ITPR2: variants seen among roughly 807,000 people sequenced by gnomAD.
The protein encoded by ITPR2 is inositol 1,4,5-trisphosphate receptor type 2, also known as inositol 1,4,5-trisphosphate-gated calcium channel ITPR2.
Under a neutral mutation model 317.1 loss-of-function variants are expected in ITPR2, and 207 were observed. That is an observed-to-expected ratio of 0.65 (90% CI 0.58 to 0.73). The LOEUF (loss-of-function observed/expected upper bound fraction) is 0.73, where lower values mean the gene tolerates loss of function less well. Ranked by LOEUF, ITPR2 falls within the 30% of genes least tolerant of loss-of-function variation. The pLI, the probability that ITPR2 is intolerant of heterozygous loss-of-function variation, is 0.00. For missense variants in ITPR2, 2,613 were observed against 3,284.0 expected, an observed-to-expected ratio of 0.80 and a Z score of 4.99; for synonymous variants, 1,156 against 1,149.1, an observed-to-expected ratio of 1.01 and a Z score of -0.12.
chr12:26,807,139 A>C (rs959785087), intron 1 of ITPR2, among the ~76,000 whole-genome samples: 1 of 152,004 alleles, frequency 6.6e-6, no homozygotes, highest in Non-Finnish European at 1.5e-5. Context: ...CAGTGAGCCG[A>C]GATTACACCA....
chr12:26,782,330 C>G (rs1012444910), intron 2 of ITPR2, among the ~76,000 whole-genome samples: 34 of 150,100 alleles, frequency 2.3e-4, no homozygotes, highest in African/African-American at 4.9e-5. Context: ...ATAAAACAAA[C>G]AAAGTAGTAT....
chr12:26,590,702 T>C (rs1215708197), intron 32 of ITPR2, among the ~76,000 whole-genome samples: 2 of 152,170 alleles, frequency 1.3e-5, no homozygotes, highest in African/African-American at 4.8e-5. Context: ...GTCCAGGACA[T>C]TGGTCTGGGC....
rs535025181 is a variant in ITPR2, at chr12:26,501,253, G to A, written c.5074-5993C>T. Among the ~76,000 whole-genome samples the A allele has an allele frequency of 9.3e-4, 141 of 152,274 alleles. 1 individual carries two copies. Among genetic ancestry groups the A allele is most frequent in the Middle Eastern group, 3.4e-3 (1 of 294 alleles). On this transcript the variant is annotated intron_variant, in intron 37 of 56. Coordinates refer to ENST00000381340, the MANE Select transcript of ITPR2 (RefSeq NM_002223.4). ...TGTGTTTCTGTAACCTTTTGGCTTA[G>A]TAACAATACGTCTGATTAGGTATTT... is the stretch of plus-strand genomic sequence containing the variant.
At chr12:26,507,810 A>C (rs1943224656) in intron 37 of ITPR2, among the ~76,000 whole-genome samples, 1 of 151,646 alleles carries the variant, frequency 6.6e-6, no homozygotes, top group Admixed American at 6.6e-5. Context: ...TAATACTCCT[A>C]AGGTGTGGAA....
chr12:26,498,758 G>C (rs1333977765), intron 37 of ITPR2, among the ~76,000 whole-genome samples: 2 of 152,190 alleles, frequency 1.3e-5, no homozygotes, highest in African/African-American at 4.8e-5. Context: ...CTGTCTGAAA[G>C]GGAACCTATT....
At chr12:26,829,925 G>A (rs576888642) in intron 1 of ITPR2, among the ~76,000 whole-genome samples, 1 of 151,976 alleles carries the variant, frequency 6.6e-6, no homozygotes, top group East Asian at 1.9e-4. Flanking sequence ...TTTTTTTGAG[G>A]CAGAGTCTCG....
At chr12:26,497,316 G>C (rs1238991848) in intron 37 of ITPR2, among the ~76,000 whole-genome samples, 1 of 151,828 alleles carries the variant, frequency 6.6e-6, no homozygotes, top group Non-Finnish European at 1.5e-5. Context: ...ACCACACCCA[G>C]CTAATTTTTT....
At position 26,654,142 on chromosome 12, in the gene ITPR2, A is replaced by G. The variant is rs760831337; in HGVS notation, c.2590-16T>C. On this transcript the variant is annotated splice_polypyrimidine_tract_variant and intron_variant, in intron 20 of 56. Coordinates refer to ENST00000381340, the MANE Select transcript of ITPR2 (RefSeq NM_002223.4). Reference sequence around the variant, plus strand: ...AGTGGACCACCTTAATAAAAAAAAAAAAGCGGGGAGGGGGAGGGTGAAAGA... The same window carrying G: ...AGTGGACCACCTTAATAAAAAAAAAGAAGCGGGGAGGGGGAGGGTGAAAGA... 1.3e-6 allele frequency: 2 copies of G among 1,540,720 alleles called. No homozygotes were observed. Among genetic ancestry groups the G allele is most frequent in the East Asian group, 4.8e-5 (2 of 42,004 alleles).
At chr12:26,478,251 T>C (rs978248679) in intron 43 of ITPR2, among the ~76,000 whole-genome samples, 1 of 152,104 alleles carries the variant, frequency 6.6e-6, no homozygotes, top group Non-Finnish European at 1.5e-5. Context: ...CACTGACTCA[T>C]TATGAAAAGA....
chr12:26,650,300 G>T (rs1053383245), intron 21 of ITPR2, among the ~76,000 whole-genome samples: 7 of 152,144 alleles, frequency 4.6e-5, no homozygotes, highest in African/African-American at 1.7e-4. Context: ...TGGGAGAAGG[G>T]TTGAATATGC....
At chr12:26,465,627 C>CTCTT (rs1942153102) in intron 45 of ITPR2, among the ~76,000 whole-genome samples, 2 of 151,960 alleles carry the variant, frequency 1.3e-5, no homozygotes, top group African/African-American at 4.8e-5. Context: ...CTCTCTCTCT[C>CTCTT]TCTTGCTCTG....
At chr12:26,428,712 C>A (rs756253042) in intron 48 of ITPR2, among the ~76,000 whole-genome samples, 1 of 152,122 alleles carries the variant, frequency 6.6e-6, no homozygotes, top group Non-Finnish European at 1.5e-5. Flanking sequence ...TCTTAAAAAA[C>A]GAACTCTGTT....
At chr12:26,486,430 A>AAAAT in intron 40 of ITPR2, 70 bp from the exon 41 acceptor site, 1 of 1,229,050 alleles carries the variant, frequency 8.1e-7, no homozygotes. Context: ...AAAAAAACAA[A>AAAAT]CCAGGTACCC....
At chr12:26,470,320 TA>T (rs143552032) in intron 45 of ITPR2, among the ~76,000 whole-genome samples, 2,909 of 152,298 alleles carry the variant, frequency 0.019, 71 homozygotes, top group African/African-American at 0.054. Context: ...CTGAATTCAT[TA>T]CACACCAGAA....
intron 30 of ITPR2, 51 bp from the exon 31 acceptor site, chr12:26,597,185 C>T: frequency 6.3e-7 from 1 of 1,594,952 alleles, no homozygotes; most frequent in Middle Eastern, 1.7e-4. Context: ...TTCATCCTTG[C>T]AGTTATTTCC....
At chr12:26,559,297 AT>A (rs1944749227) in intron 35 of ITPR2, among the ~76,000 whole-genome samples, 1 of 152,204 alleles carries the variant, frequency 6.6e-6, no homozygotes, top group African/African-American at 2.4e-5. Flanking sequence ...ATGTGCCTTA[AT>A]CTGTTCAGGC....
At chr12:26,507,929 T>A (rs1193323883) in intron 37 of ITPR2, among the ~76,000 whole-genome samples, 3 of 151,868 alleles carry the variant, frequency 2.0e-5, no homozygotes, top group Non-Finnish European at 4.4e-5. Context: ...TATACGTATA[T>A]CTATTTTTGT....
At chr12:26,813,483 G>A (rs1245758722) in intron 1 of ITPR2, among the ~76,000 whole-genome samples, 1 of 152,168 alleles carries the variant, frequency 6.6e-6, no homozygotes. Flanking sequence ...TCAAAGTTCT[G>A]TGATTCTGAA....
intron 13 of ITPR2, among the ~76,000 whole-genome samples, chr12:26,674,295 ATAC>A (rs1377455753): frequency 5.9e-5 from 9 of 152,160 alleles, no homozygotes; most frequent in Non-Finnish European, 1.0e-4. Flanking sequence ...ACTTCAAACT[ATAC>A]TACAAGGCTA....
Sources: gnomAD v4.1 joint callset for allele counts (sites outside exome capture counted in the v4.1 genomes callset) on GRCh38, gnomAD v4.1.1 for gene constraint, MANE v1.5 for transcripts, NCBI Gene and HGNC (gene_info 2026-07-23, HGNC 2026-07-21) for gene names.